DOK5: variants seen among roughly 807,000 people sequenced by gnomAD.
DOK5 encodes the protein downstream of tyrosine kinase 5.
In DOK5, 27 loss-of-function variants were observed where a neutral mutation model predicts 43.3. The ratio of observed to expected loss-of-function variants is 0.62; its 90% CI spans 0.46 to 0.86. DOK5 has a LOEUF of 0.86. Ranked by LOEUF, DOK5 falls within the 40% of genes least tolerant of loss-of-function variation. DOK5 has a pLI of 0.00. For missense variants in DOK5, 373 were observed against 392.9 expected (o/e 0.95, Z 0.43); for synonymous variants, 146 against 140.1 (o/e 1.04, Z -0.30).
intron 6 of DOK5, among the ~76,000 whole-genome samples, chr20:54,641,539 T>TCATC (rs1979114264): frequency 2.3e-5 from 3 of 128,750 alleles, no homozygotes; most frequent in Non-Finnish European, 3.5e-5. Flanking sequence ...AATTTCTAAT[T>TCATC]ATCATCATCA....
intron 6 of DOK5, among the ~76,000 whole-genome samples, chr20:54,628,123 G>A (rs1978382173): frequency 6.6e-6 from 1 of 152,174 alleles, no homozygotes; most frequent in Non-Finnish European, 1.5e-5. Flanking sequence ...TTTAGTGTGT[G>A]TTAGCACTAT....
chr20:54,579,822 T>G (rs1233316342), intron 2 of DOK5, among the ~76,000 whole-genome samples: 1 of 152,062 alleles, frequency 6.6e-6, no homozygotes, highest in African/African-American at 2.4e-5. Context: ...GGGGTACATG[T>G]GCAGAATGTG....
chr20:54,642,113 A>G (rs1979149452), intron 6 of DOK5, among the ~76,000 whole-genome samples: 4 of 152,162 alleles, frequency 2.6e-5, no homozygotes, highest in South Asian at 4.1e-4. Flanking sequence ...TTCTTCTTGC[A>G]TGCGTTGACC....
chr20:54,545,348 A>G (rs192828430), intron 1 of DOK5, among the ~76,000 whole-genome samples: 35 of 152,192 alleles, frequency 2.3e-4, no homozygotes, highest in South Asian at 6.2e-4. Context: ...AACCCACACC[A>G]TTTTCTGTGG....
chr20:54,635,585 T>C (rs1356574010), intron 6 of DOK5, among the ~76,000 whole-genome samples: 4 of 152,184 alleles, frequency 2.6e-5, no homozygotes, highest in Admixed American at 1.3e-4. Flanking sequence ...AAGCCCCCAT[T>C]TGGAGTTGTC....
At chr20:54,477,658 A>AC (rs1568744459) in intron 1 of DOK5, among the ~76,000 whole-genome samples, 1 of 150,492 alleles carries the variant, frequency 6.6e-6, no homozygotes, top group Non-Finnish European at 1.5e-5. Flanking sequence ...AAAAAAAAAA[A>AC]AAACCCAGCA....
At chr20:54,618,598 C>T (rs1986888532) in intron 6 of DOK5, among the ~76,000 whole-genome samples, 1 of 152,200 alleles carries the variant, frequency 6.6e-6, no homozygotes, top group Admixed American at 6.5e-5. Context: ...CCGCCTCAGC[C>T]TCCCAAAGTG....
At chr20:54,511,703 G>A (rs1983020360) in intron 1 of DOK5, among the ~76,000 whole-genome samples, 1 of 152,148 alleles carries the variant, frequency 6.6e-6, no homozygotes, top group Admixed American at 6.5e-5. Context: ...TTGAGGAATG[G>A]CTCATTGCTG....
intron 1 of DOK5, among the ~76,000 whole-genome samples, chr20:54,515,690 A>G (rs942055038): frequency 2.0e-5 from 3 of 152,202 alleles, no homozygotes; most frequent in Admixed American, 6.5e-5. Context: ...TACATTTCAG[A>G]GAGTTAATTT....
intron 2 of DOK5, among the ~76,000 whole-genome samples, chr20:54,568,983 CA>C (rs10542523): frequency 0.73 from 70,266 of 96,186 alleles, 25,862 homozygotes; most frequent in South Asian, 0.88. Context: ...GACTAAAACG[CA>C]AAAAAAAAAA....
At chr20:54,483,072 C>A (rs6023278) in intron 1 of DOK5, among the ~76,000 whole-genome samples, 1 of 152,088 alleles carries the variant, frequency 6.6e-6, no homozygotes, top group African/African-American at 2.4e-5. Flanking sequence ...GTATTTCAGT[C>A]GTCTTCATCT....
chr20:54,612,382 C>A (rs1986678403), intron 6 of DOK5, among the ~76,000 whole-genome samples: 1 of 152,150 alleles, frequency 6.6e-6, no homozygotes, highest in African/African-American at 2.4e-5. Context: ...TTAAGGGATT[C>A]TGATGGTTGT....
intron 1 of DOK5, among the ~76,000 whole-genome samples, chr20:54,514,330 T>A (rs186828472): frequency 6.6e-6 from 1 of 152,292 alleles, no homozygotes; most frequent in East Asian, 1.9e-4. Context: ...TTTCCACTTG[T>A]CAAAATATGT....
chr20:54,561,042 A>C (rs1984886965), intron 2 of DOK5, among the ~76,000 whole-genome samples: 1 of 152,126 alleles, frequency 6.6e-6, no homozygotes, highest in Non-Finnish European at 1.5e-5. Flanking sequence ...TCCCTCTCAA[A>C]TCAATCCATC....
chr20:54,512,640 T>C (rs202080481), intron 1 of DOK5, among the ~76,000 whole-genome samples: 1 of 152,256 alleles, frequency 6.6e-6, no homozygotes, highest in African/African-American at 2.4e-5. Context: ...TTCTTTTATG[T>C]TAAAATGTTG....
chr20:54,604,952 A>G (rs1299500732), intron 5 of DOK5, among the ~76,000 whole-genome samples: 1 of 151,266 alleles, frequency 6.6e-6, no homozygotes, highest in Non-Finnish European at 1.5e-5. Context: ...CAGTGAGCCA[A>G]GATGGTGCCA....
At chr20:54,600,294 G>A (rs1427215889) in intron 5 of DOK5, among the ~76,000 whole-genome samples, 1 of 152,048 alleles carries the variant, frequency 6.6e-6, no homozygotes, top group African/African-American at 2.4e-5. Flanking sequence ...TAGTCTGATG[G>A]GGAGCCCTCA....
intron 2 of DOK5, among the ~76,000 whole-genome samples, chr20:54,568,435 T>C (rs920545064): frequency 2.0e-5 from 3 of 152,228 alleles, no homozygotes; most frequent in Non-Finnish European, 4.4e-5. Context: ...TTTTCTCAAG[T>C]TGGTGAAAAG....
rs192938693 is a variant in DOK5 at position 54,601,323 on chromosome 20, C to T, written c.600-9065C>T. 5.9e-5 allele frequency among the ~76,000 whole-genome samples: 9 copies of T among 152,326 alleles called. No individual in the cohort carries two copies. The East Asian group carries it at 1.7e-3, about 29-fold the overall frequency. ...GAACTGTTAAAAGCACTGCTAATTC[C>T]AACCCATTTCTTATAACTGCTATTG... On this transcript the variant is annotated intron_variant, in intron 5 of 7. Coordinates refer to ENST00000262593, the MANE Select transcript of DOK5 (RefSeq NM_018431.5).
Sources: gnomAD v4.1 joint callset for allele counts (sites outside exome capture counted in the v4.1 genomes callset) on GRCh38, gnomAD v4.1.1 for gene constraint, MANE v1.5 for transcripts, NCBI Gene and HGNC (gene_info 2026-07-23, HGNC 2026-07-21) for gene names.